Variants in NACC2 observed in about 807,000 individuals in gnomAD.
NACC2 encodes the protein nucleus accumbens-associated protein 2.
Under a neutral mutation model 25.1 loss-of-function variants are expected in NACC2, and 8 were observed. The observed-to-expected ratio is 0.32, with a 90% confidence interval of 0.19 to 0.57. The LOEUF (loss-of-function observed/expected upper bound fraction) is 0.57. NACC2 is among the 20% of genes least tolerant of loss of function. NACC2 has a pLI of 0.89. For synonymous variants in NACC2, 435 were observed against 294.7 expected (o/e 1.48, Z -4.88); for missense variants, 644 against 650.2 (o/e 0.99, Z 0.10).
chr9:136,058,625 G>A (rs1000214021), intron 1 of NACC2, among the ~76,000 whole-genome samples: 7 of 152,172 alleles, frequency 4.6e-5, no homozygotes, highest in South Asian at 2.1e-4. Flanking sequence ...CTAACCCACC[G>A]GGTACCATGC....
rs2131137989 is a variant in NACC2 at position 136,020,461 on chromosome 9, G to T, written c.887-4032C>A. On this transcript the variant is annotated intron_variant, in intron 2 of 5. Transcript: ENST00000277554. This position sits in a 1 kb window ranked among gnomAD's most constrained non-coding sequence, Gnocchi z 4.7. ...GACACCATCAGAGACCACGCAGGCA[G>T]CCCCACCAGGGGAGTCTGTGCGGAT... Among the ~76,000 whole-genome samples, 1 of 152,348 alleles carries T rather than the reference G, an allele frequency of 6.6e-6. No homozygotes were observed.
rs2131190223 is a variant in NACC2, at chr9:136,086,963, A to C, written c.-60+8226T>G. On this transcript the variant is annotated intron_variant, in intron 1 of 5. Coordinates refer to ENST00000277554, the MANE Select transcript of NACC2 (RefSeq NM_144653.5). This position sits in a 1 kb window ranked among gnomAD's most constrained non-coding sequence, Gnocchi z 5.6. ...CCCTTTGAATGCGGCCTTATTTGGA[A>C]ACAGGGTCTTTACAGATATCATTAG... is the stretch of plus-strand genomic sequence containing the variant. 6.6e-6 allele frequency among the ~76,000 whole-genome samples: 1 copy of C among 152,354 alleles called. No homozygotes were observed.
intron 2 of NACC2, among the ~76,000 whole-genome samples, chr9:136,045,080 G>A (rs1840700241): frequency 6.6e-6 from 1 of 152,246 alleles, no homozygotes; most frequent in African/African-American, 2.4e-5. Flanking sequence ...GCTGGTCTGA[G>A]GCTGGATGGG....
intron 1 of NACC2, among the ~76,000 whole-genome samples, chr9:136,088,375 A>T (rs1401191155): frequency 6.6e-6 from 1 of 152,136 alleles, no homozygotes; most frequent in African/African-American, 2.4e-5. Context: ...CCTAGGGCAA[A>T]AATTTGAGTC....
intron 2 of NACC2, among the ~76,000 whole-genome samples, chr9:136,038,261 C>T (rs924818773): frequency 2.0e-5 from 3 of 152,138 alleles, no homozygotes; most frequent in Non-Finnish European, 1.5e-5. Flanking sequence ...CCAGGCTGGG[C>T]GTGGTGGCTC....
intron 1 of NACC2, among the ~76,000 whole-genome samples, chr9:136,088,199 T>C (rs542208598): frequency 1.5e-4 from 23 of 152,324 alleles, no homozygotes; most frequent in African/African-American, 4.6e-4. Context: ...AAACGTGCTC[T>C]GTCCGGCTCC....
chr9:136,014,858 A>T (rs898992156), intron 3 of NACC2, among the ~76,000 whole-genome samples: 6 of 152,210 alleles, frequency 3.9e-5, no homozygotes, highest in Non-Finnish European at 7.3e-5. Flanking sequence ...ACCACACCCC[A>T]GGTGTCCCAC....
At chr9:136,058,378 G>T (rs1840959935) in intron 1 of NACC2, among the ~76,000 whole-genome samples, 1 of 124,454 alleles carries the variant, frequency 8.0e-6, no homozygotes, top group African/African-American at 2.8e-5. Flanking sequence ...AGGGACCCGG[G>T]ATTCCCATCC....
intron 3 of NACC2, among the ~76,000 whole-genome samples, chr9:136,014,904 A>G (rs1042153931): frequency 2.0e-5 from 3 of 152,180 alleles, no homozygotes; most frequent in African/African-American, 4.8e-5. Flanking sequence ...GACAAGCAGC[A>G]GGACTGAACC....
At chr9:136,053,466 G>A (rs1033782468) in intron 1 of NACC2, among the ~76,000 whole-genome samples, 10 of 152,226 alleles carry the variant, frequency 6.6e-5, no homozygotes, top group East Asian at 1.9e-4. Context: ...GGGCTCCACC[G>A]GGCCAGGAGA....
At chr9:136,035,455 C>CAAA (rs1243599415) in intron 2 of NACC2, among the ~76,000 whole-genome samples, 1 of 151,916 alleles carries the variant, frequency 6.6e-6, no homozygotes, top group Non-Finnish European at 1.5e-5. Flanking sequence ...CTGCGCTTTT[C>CAAA]AAAGGATCAG....
chr9:136,063,533 C>A (rs1271088586), intron 1 of NACC2, among the ~76,000 whole-genome samples: 1 of 152,206 alleles, frequency 6.6e-6, no homozygotes, highest in Non-Finnish European at 1.5e-5. Context: ...CCTTTCCCTC[C>A]CATAAAGTAT....
At chr9:136,067,134 A>G (rs1841094436) in intron 1 of NACC2, among the ~76,000 whole-genome samples, 1 of 152,056 alleles carries the variant, frequency 6.6e-6, no homozygotes, top group African/African-American at 2.4e-5. Context: ...CATGCCTGTA[A>G]TCCCGGCTAC....
chr9:136,053,878 C>T (rs1840885489), intron 1 of NACC2, among the ~76,000 whole-genome samples: 1 of 151,446 alleles, frequency 6.6e-6, no homozygotes, highest in Non-Finnish European at 1.5e-5. Context: ...AGGGCAGCAG[C>T]CAGGGCTGAC....
intron 1 of NACC2, among the ~76,000 whole-genome samples, chr9:136,089,567 G>A (rs1262565322): frequency 6.6e-6 from 1 of 151,682 alleles, no homozygotes; most frequent in Non-Finnish European, 1.5e-5. Context: ...ACCCACCCTC[G>A]GGGTGCCCTC....
chr9:136,024,547 A>T (rs143285248), intron 2 of NACC2, among the ~76,000 whole-genome samples: 1,654 of 120,798 alleles, frequency 0.014, 10 homozygotes, highest in East Asian at 0.018. Flanking sequence ...AGTGTGTGTG[A>T]GGACAGTGTG....
chr9:136,013,397 T>C lies in NACC2; in HGVS notation c.1158-101A>G. The C allele has an allele frequency of 9.2e-7, 1 of 1,084,546 alleles. No individual in the cohort carries two copies. The highest frequency in any genetic ancestry group is 1.4e-5 in the South Asian group (1 of 71,080). 67.2% of individuals were successfully genotyped at this position (1,084,546 alleles called of 1,614,324 possible). Reference sequence around the variant, plus strand: ...TGCCCTGCTGGGAGGCCACTTGGCCTCACCCTTGGCTGGTCTGCGTGTGTC... The same window carrying C: ...TGCCCTGCTGGGAGGCCACTTGGCCCCACCCTTGGCTGGTCTGCGTGTGTC... On this transcript the variant is annotated intron_variant, in intron 4 of 5. Coordinates refer to ENST00000277554, the MANE Select transcript of NACC2 (RefSeq NM_144653.5). This position sits in a 1 kb window ranked among gnomAD's most constrained non-coding sequence, Gnocchi z 6.6.
chr9:136,031,324 C>CTCATTCATTCATTCAT (rs140651085), intron 2 of NACC2, among the ~76,000 whole-genome samples: 20,714 of 150,628 alleles, frequency 0.14, 1,838 homozygotes, highest in Non-Finnish European at 0.19. Context: ...ACTCCACAGC[C>CTCATTCATTCATTCAT]TCATTCATTC....
chr9:136,007,415 ACGCG>A lies in NACC2; in HGVS notation c.*4097_*4100del, dbSNP rs1208545389. On this transcript the variant is annotated 3_prime_UTR_variant, in exon 6 of 6. Transcript: ENST00000277554. ...TGCAGAGACACGCACGTGCACACAG[ACGCG>A]CGTGCACACATACACACAGACGCGC... 6.9e-6 allele frequency: 1 copy of A among 144,338 alleles called. No individual in the cohort carries two copies. The highest frequency in any genetic ancestry group is 1.6e-5 in the Non-Finnish European group (1 of 63,536). 8.9% of individuals were successfully genotyped at this position (144,338 alleles called of 1,614,324 possible). A position where few individuals can be genotyped will look rare whatever the true frequency, so the allele number is the denominator to read the frequency against.
Sources: allele counts gnomAD v4.1 joint callset (sites outside exome capture counted in the v4.1 genomes callset), GRCh38; gene constraint gnomAD v4.1.1; non-coding constraint Gnocchi (gnomAD v3.1); transcripts MANE v1.5; gene names NCBI Gene and HGNC (gene_info 2026-07-23, HGNC 2026-07-21).